GALNT17: variants seen among roughly 807,000 people sequenced by gnomAD.
GALNT17 encodes polypeptide N-acetylgalactosaminyltransferase 17.
In GALNT17, 29 loss-of-function variants were observed where a neutral mutation model predicts 63.7. That is an observed-to-expected ratio of 0.46 (90% confidence interval 0.34 to 0.62). The LOEUF (loss-of-function observed/expected upper bound fraction) is 0.62, where lower values mean the gene tolerates loss of function less well. Ranked by LOEUF, GALNT17 falls within the 20% of genes least tolerant of loss-of-function variation. GALNT17 has a pLI of 0.01. For synonymous variants in GALNT17, 305 were observed against 318.3 expected (o/e 0.96, Z 0.45); for missense variants, 603 against 799.6 (o/e 0.75, Z 2.97).
chr7:71,190,275 G>T (rs1013909457), intron 1 of GALNT17, among the ~76,000 whole-genome samples: 1 of 152,174 alleles, frequency 6.6e-6, no homozygotes, highest in African/African-American at 2.4e-5. Context: ...TGGAGTTGGG[G>T]CCTGGAGGGA....
intron 5 of GALNT17, among the ~76,000 whole-genome samples, chr7:71,555,483 C>T (rs1789148258): frequency 6.7e-6 from 1 of 149,844 alleles, no homozygotes; most frequent in South Asian, 2.1e-4. Flanking sequence ...AACGCCAAAC[C>T]ATTCATGAGG....
rs1218502537 is a variant in GALNT17, at chr7:71,132,866, G to C, written c.64G>C (p.Val22Leu). ...VLNLIAVAGF[V>L]LFLAKCRPIA... is the part of the protein sequence containing the mutation. Reference sequence around the variant, plus strand: ...GAACTTGATCGCGGTAGCCGGCTTCGTGCTCTTCCTGGCCAAGTGCCGGCC... The same window carrying C: ...GAACTTGATCGCGGTAGCCGGCTTCCTGCTCTTCCTGGCCAAGTGCCGGCC... Residue 22 changes from valine (V) to leucine (L), a missense_variant, in exon 1 of 11, where the codon GTG becomes CTG. Transcript: ENST00000333538. 2 of 1,613,008 alleles carry C rather than the reference G, an allele frequency of 1.2e-6. No homozygotes were observed. Among genetic ancestry groups the C allele is most frequent in the Non-Finnish European group, 1.7e-6 (2 of 1,179,476 alleles).
chr7:71,571,762 C>T (rs190088351), intron 6 of GALNT17, among the ~76,000 whole-genome samples: 2 of 152,196 alleles, frequency 1.3e-5, no homozygotes, highest in East Asian at 1.9e-4. Context: ...GCCTGTAATC[C>T]CAACACTTTG....
rs571787441 is a variant in GALNT17, at chr7:71,602,027, T to G, written c.1080+30625T>G. Among the ~76,000 whole-genome samples, 231 of 152,336 alleles carry G rather than the reference T, an allele frequency of 1.5e-3. 1 individual carries two copies. Among genetic ancestry groups the G allele is most frequent in the African/African-American group, 5.2e-3 (215 of 41,590 alleles). On this transcript the variant is annotated intron_variant, in intron 6 of 10. Coordinates refer to ENST00000333538, the MANE Select transcript of GALNT17 (RefSeq NM_022479.3). ...AGATGGAGTCTTTCCAGCTGACCCG[T>G]GCAAGACTGGCCTTTGCCATGGCCT...
At chr7:71,570,030 T>C (rs1211935107) in intron 5 of GALNT17, among the ~76,000 whole-genome samples, 1 of 152,028 alleles carries the variant, frequency 6.6e-6, no homozygotes, top group Non-Finnish European at 1.5e-5. Flanking sequence ...CTCCACACCT[T>C]GCCAACATCT....
At chr7:71,561,749 A>G (rs1789259867) in intron 5 of GALNT17, among the ~76,000 whole-genome samples, 1 of 152,122 alleles carries the variant, frequency 6.6e-6, no homozygotes, top group Non-Finnish European at 1.5e-5. Context: ...AGGGTAAGAC[A>G]TGACACCACC....
At chr7:71,524,449 A>G (rs1788591700) in intron 5 of GALNT17, among the ~76,000 whole-genome samples, 1 of 151,704 alleles carries the variant, frequency 6.6e-6, no homozygotes, top group Non-Finnish European at 1.5e-5. Context: ...AAGTTTGAAA[A>G]CCACTGATCT....
At position 71,396,871 on chromosome 7, in the gene GALNT17, A is replaced by G. The variant is rs192462154; in HGVS notation, c.589+8470A>G. Among the ~76,000 whole-genome samples, 47 of 152,160 alleles carry G rather than the reference A, an allele frequency of 3.1e-4. 4 individuals are homozygous for G. The highest frequency in any genetic ancestry group is 2.9e-3 in the East Asian group (15 of 5,184). ...TTCTTAATGTTTTATTCTTTTTAAT[A>G]CTATTATAAATTGAATTGTTTTCTT... On this transcript the variant is annotated intron_variant, in intron 3 of 10. Transcript: ENST00000333538.
At chr7:71,684,020 A>C (rs1382865229) in intron 9 of GALNT17, among the ~76,000 whole-genome samples, 4 of 150,630 alleles carry the variant, frequency 2.7e-5, no homozygotes, top group African/African-American at 9.9e-5. Context: ...AAAAAAAAAA[A>C]AAAAAACAAA....
At chr7:71,573,760 G>A (rs181051128) in intron 6 of GALNT17, among the ~76,000 whole-genome samples, 1 of 152,220 alleles carries the variant, frequency 6.6e-6, no homozygotes, top group East Asian at 1.9e-4. Context: ...GCACAGATTG[G>A]TGCACAGATT....
chr7:71,144,878 G>A (rs958397842), intron 1 of GALNT17, among the ~76,000 whole-genome samples: 1 of 152,096 alleles, frequency 6.6e-6, no homozygotes, highest in Non-Finnish European at 1.5e-5. Flanking sequence ...ACAGGTGCAT[G>A]CCACCATGCC....
At chr7:71,246,159 T>C (rs1224796913) in intron 1 of GALNT17, among the ~76,000 whole-genome samples, 2 of 141,902 alleles carry the variant, frequency 1.4e-5, no homozygotes, top group Non-Finnish European at 3.0e-5. Flanking sequence ...GCTTGCTCTG[T>C]CACTTAGGCT....
chr7:71,236,751 A>T (rs1018234768), intron 1 of GALNT17, among the ~76,000 whole-genome samples: 1 of 151,984 alleles, frequency 6.6e-6, no homozygotes, highest in African/African-American at 2.4e-5. Context: ...CCTGCCCTTG[A>T]CCTCCCTCGC....
chr7:71,616,238 C>G (rs1185333020), intron 6 of GALNT17, among the ~76,000 whole-genome samples: 1 of 151,928 alleles, frequency 6.6e-6, no homozygotes, highest in Non-Finnish European at 1.5e-5. Flanking sequence ...GGGCGATTCA[C>G]AGTAGTGTCT....
intron 5 of GALNT17, among the ~76,000 whole-genome samples, chr7:71,470,359 G>A (rs1364445804): frequency 6.6e-6 from 1 of 152,096 alleles, no homozygotes; most frequent in East Asian, 1.9e-4. Context: ...TTGGTTCCTG[G>A]TATCTCCTGT....
chr7:71,295,267 C>T (rs1439857685), intron 1 of GALNT17, among the ~76,000 whole-genome samples: 1 of 152,130 alleles, frequency 6.6e-6, no homozygotes, highest in Non-Finnish European at 1.5e-5. Flanking sequence ...TAGGTTCTTC[C>T]TTTGGACATG....
Position 71,154,738 on chromosome 7 carries a change from G to C in GALNT17, c.238+21698G>C, listed in dbSNP as rs369918587. Among the ~76,000 whole-genome samples, 3 of 151,240 alleles carry C rather than the reference G, an allele frequency of 2.0e-5. No homozygotes were observed. The East Asian group carries it at 5.8e-4, about 29-fold the overall frequency. On this transcript the variant is annotated intron_variant, in intron 1 of 10. Coordinates refer to ENST00000333538, the MANE Select transcript of GALNT17 (RefSeq NM_022479.3). ...ACTACAGGCGCCCGCCACCATGCCC[G>C]GCTAATTTTTTGTATTTTTAGTAGA... is the stretch of plus-strand genomic sequence containing the variant.
At chr7:71,140,695 ACCTACGAT>A (rs1245351172) in intron 1 of GALNT17, among the ~76,000 whole-genome samples, 1 of 152,166 alleles carries the variant, frequency 6.6e-6, no homozygotes, top group East Asian at 1.9e-4. Flanking sequence ...CGAAGAAACA[ACCTACGAT>A]TAGATGACCT....
intron 2 of GALNT17, among the ~76,000 whole-genome samples, chr7:71,384,381 T>C (rs1288149908): frequency 2.0e-5 from 3 of 152,274 alleles, no homozygotes; most frequent in South Asian, 4.1e-4. Context: ...AAGATGGGTA[T>C]GTCCACAGCG....
Sources: allele counts gnomAD v4.1 joint callset (sites outside exome capture counted in the v4.1 genomes callset), GRCh38; gene constraint gnomAD v4.1.1; transcripts MANE v1.5; gene names NCBI Gene and HGNC (gene_info 2026-07-23, HGNC 2026-07-21).